Variants in PCDH15 observed in about 807,000 individuals in gnomAD.
PCDH15 encodes the protein protocadherin related 15.
Under a neutral mutation model 178.5 loss-of-function variants are expected in PCDH15, and 129 were observed. That is an observed-to-expected ratio of 0.72 (90% CI 0.63 to 0.84). The LOEUF is 0.84. PCDH15 is among the 40% of genes least tolerant of loss of function. The probability of loss-of-function intolerance (pLI) is 0.00; values close to 1 mark genes in which losing one functional copy is unlikely to be tolerated. For synonymous variants in PCDH15, 800 were observed against 732.0 expected (o/e 1.09, Z -1.50); for missense variants, 2,230 against 2,099.9 (o/e 1.06, Z -1.21).
chr10:54,099,551 CAGAT>C (rs2094770834), intron 15 of PCDH15, among the ~76,000 whole-genome samples: 2 of 109,932 alleles, frequency 1.8e-5, no homozygotes, highest in Non-Finnish European at 3.9e-5. Context: ...AACAAAAAAA[CAGAT>C]AAAACAAGCA....
intron 1 of PCDH15, among the ~76,000 whole-genome samples, chr10:54,673,269 T>C (rs1047845613): frequency 2.0e-5 from 3 of 151,642 alleles, no homozygotes; most frequent in Non-Finnish European, 4.4e-5. Flanking sequence ...TTCCCCTCTC[T>C]GTGTCCATGT....
intron 2 of PCDH15, chr10:55,512,898 C>G (rs1328170442): frequency 6.6e-6 from 1 of 152,010 alleles, no homozygotes; most frequent in Non-Finnish European, 1.5e-5. Flanking sequence ...AATAAAGGAG[C>G]AATTAAGGGA....
intron 18 of PCDH15, among the ~76,000 whole-genome samples, chr10:54,055,116 T>A (rs1393371354): frequency 6.6e-6 from 1 of 152,198 alleles, no homozygotes; most frequent in Non-Finnish European, 1.5e-5. Flanking sequence ...CATCATTTTT[T>A]TAATGACTGT....
At chr10:54,020,668 G>GAC (rs1217709626) in intron 19 of PCDH15, among the ~76,000 whole-genome samples, 2 of 151,736 alleles carry the variant, frequency 1.3e-5, no homozygotes, top group African/African-American at 4.8e-5. Context: ...GTCAGAGAGA[G>GAC]AGAGAGAGGG....
At chr10:54,092,524 G>A (rs887011641) in intron 15 of PCDH15, among the ~76,000 whole-genome samples, 11 of 151,836 alleles carry the variant, frequency 7.2e-5, no homozygotes, top group African/African-American at 2.7e-4. Context: ...AAATTAGCCA[G>A]GGTAAAATAT....
chr10:54,061,521 T>C (rs2094012457), intron 18 of PCDH15, among the ~76,000 whole-genome samples: 2 of 152,054 alleles, frequency 1.3e-5, no homozygotes, highest in Admixed American at 6.6e-5. Flanking sequence ...GGTATTTTTA[T>C]TTCCTTTTTT....
At chr10:55,356,091 C>T (rs1040828761) in intron 2 of PCDH15, among the ~76,000 whole-genome samples, 23 of 151,740 alleles carry the variant, frequency 1.5e-4, no homozygotes, top group African/African-American at 4.1e-4. Context: ...CTACTAATTC[C>T]GACACAACTA....
intron 1 of PCDH15, among the ~76,000 whole-genome samples, chr10:54,700,866 C>G (rs2095300895): frequency 6.6e-6 from 1 of 151,970 alleles, no homozygotes; most frequent in African/African-American, 2.4e-5. Flanking sequence ...CAGAGAACCC[C>G]TGTGAGATAC....
In PCDH15 at chr10:55,000,766, A is replaced by G. The variant is rs1056408868; in HGVS notation, c.-79-103266T>C. On this transcript the variant is annotated intron_variant, in intron 2 of 5. Coordinates refer to the PCDH15 transcript ENST00000458638. ...TCTTCACAATTTATGTTCTTCCACC[A>G]TGGCTTCAGTCAGTCCCTCCATTTG... Among the ~76,000 whole-genome samples the G allele has an allele frequency of 2.0e-5, 3 of 152,170 alleles. No homozygotes were observed. In the East Asian group the frequency reaches 5.8e-4, roughly 29 times the overall value.
intron 2 of PCDH15, among the ~76,000 whole-genome samples, chr10:55,360,072 A>G (rs1320270776): frequency 6.6e-6 from 1 of 151,994 alleles, no homozygotes; most frequent in Non-Finnish European, 1.5e-5. Context: ...ATCAATAGTA[A>G]CTACAGTTGA....
intron 2 of PCDH15, among the ~76,000 whole-genome samples, chr10:55,624,923 T>C (rs1055318400): frequency 5.9e-5 from 9 of 152,162 alleles, no homozygotes; most frequent in African/African-American, 2.2e-4. Flanking sequence ...AAAATGATTG[T>C]AGGCACTGTT....
chr10:55,345,105 T>C (rs889158819), intron 2 of PCDH15, among the ~76,000 whole-genome samples: 1 of 151,898 alleles, frequency 6.6e-6, no homozygotes, highest in African/African-American at 2.4e-5. Context: ...TATTAAAATC[T>C]CTCAAATATA....
chr10:55,572,526 A>G (rs181526161), intron 2 of PCDH15, among the ~76,000 whole-genome samples: 6 of 151,994 alleles, frequency 3.9e-5, no homozygotes, highest in African/African-American at 1.2e-4. Context: ...TGCAATGATC[A>G]AAACACATAC....
intron 11 of PCDH15, 89 bp downstream of exon 11, chr10:54,195,594 C>T (rs1591093281): frequency 9.0e-7 from 1 of 1,117,272 alleles, no homozygotes; most frequent in Admixed American, 1.8e-5. Context: ...TCTTCTCTAG[C>T]TTATGTAGCC....
chr10:54,746,164 A>G (rs941825777), intron 1 of PCDH15, among the ~76,000 whole-genome samples: 3 of 152,120 alleles, frequency 2.0e-5, no homozygotes, highest in East Asian at 1.9e-4. Flanking sequence ...GGGGTGTCCT[A>G]TGAATTTTAG....
intron 2 of PCDH15, among the ~76,000 whole-genome samples, chr10:55,504,289 A>G (rs576284083): frequency 6.6e-6 from 1 of 151,478 alleles, no homozygotes; most frequent in Non-Finnish European, 1.5e-5. Context: ...CAGGTGTTAC[A>G]TGAGAAATCT....
At chr10:54,302,784 C>G (rs113708590) in intron 8 of PCDH15, among the ~76,000 whole-genome samples, 81 of 152,244 alleles carry the variant, frequency 5.3e-4, no homozygotes, top group African/African-American at 1.9e-3. Flanking sequence ...CCTCCTTTGA[C>G]CTCAGACCTT....
intron 2 of PCDH15, among the ~76,000 whole-genome samples, chr10:55,079,896 G>A (rs1024724470): frequency 6.6e-6 from 1 of 152,078 alleles, no homozygotes; most frequent in Non-Finnish European, 1.5e-5. Flanking sequence ...GGGAGGGACT[G>A]GTAAAGATAA....
At chr10:54,634,706 G>A (rs996204836) in intron 2 of PCDH15, among the ~76,000 whole-genome samples, 2 of 151,946 alleles carry the variant, frequency 1.3e-5, no homozygotes, top group Non-Finnish European at 2.9e-5. Context: ...AAAGATGCTT[G>A]CGCGTATACA....
Sources: gnomAD v4.1 joint callset for allele counts (sites outside exome capture counted in the v4.1 genomes callset) on GRCh38, gnomAD v4.1.1 for gene constraint, MANE v1.5 for transcripts, NCBI Gene and HGNC (gene_info 2026-07-23, HGNC 2026-07-21) for gene names.